The following MAP4 variants were observed in gnomAD, a reference collection of about 807,000 sequenced individuals.
MAP4 encodes the protein microtubule associated protein 4.
Under a neutral mutation model 170.2 loss-of-function variants are expected in MAP4, and 76 were observed. The observed-to-expected ratio is 0.45, with a 90% CI of 0.37 to 0.54. The LOEUF is 0.54. Among genes scored for constraint, MAP4 ranks in the 20% least tolerant of loss-of-function variants. MAP4 has a pLI of 0.00. For synonymous variants in MAP4, 909 were observed against 994.5 expected (o/e 0.91, Z 1.62); for missense variants, 2,506 against 2,748.0 (o/e 0.91, Z 1.97).
intron 3 of MAP4, among the ~76,000 whole-genome samples, chr3:47,963,417 C>T (rs535921493): frequency 6.6e-6 from 1 of 152,328 alleles, no homozygotes; most frequent in East Asian, 1.9e-4. Context: ...TCCTTTTACA[C>T]AGCAGGAATC....
chr3:48,007,914 G>A (rs922885751), intron 1 of MAP4, among the ~76,000 whole-genome samples: 2 of 151,924 alleles, frequency 1.3e-5, no homozygotes, highest in Admixed American at 6.6e-5. Context: ...CTTGTGATCC[G>A]CCCACCTCAG....
intron 10 of MAP4, among the ~76,000 whole-genome samples, chr3:47,893,264 A>G (rs1252656726): frequency 6.6e-6 from 1 of 152,178 alleles, no homozygotes; most frequent in African/African-American, 2.4e-5. Context: ...TATTCTAATT[A>G]TAAGACATTT....
chr3:47,941,357 T>C (rs1335404198), intron 3 of MAP4, among the ~76,000 whole-genome samples: 1 of 151,538 alleles, frequency 6.6e-6, no homozygotes, highest in Admixed American at 6.6e-5. Flanking sequence ...CCTAACTACA[T>C]ATTTGTGTGA....
chr3:47,962,610 C>CT (rs1431127252), intron 3 of MAP4, among the ~76,000 whole-genome samples: 1 of 152,144 alleles, frequency 6.6e-6, no homozygotes, highest in East Asian at 1.9e-4. Flanking sequence ...TAGCTTCTGT[C>CT]TCCTGAATAG....
upstream of MAP4, among the ~76,000 whole-genome samples, chr3:48,017,815 A>G (rs561420328): frequency 2.6e-4 from 39 of 152,284 alleles, no homozygotes; most frequent in African/African-American, 8.2e-4. Context: ...CTGTACTTGT[A>G]ACAGTAGAGT....
At chr3:47,937,684 G>A (rs1301259330) in intron 3 of MAP4, among the ~76,000 whole-genome samples, 2 of 114,968 alleles carry the variant, frequency 1.7e-5, no homozygotes, top group Admixed American at 1.1e-4. Flanking sequence ...TTTTTGAGAC[G>A]AAGTCTCACT....
intron 1 of MAP4, among the ~76,000 whole-genome samples, chr3:48,058,845 T>C (rs1196132587): frequency 6.6e-6 from 1 of 152,220 alleles, no homozygotes; most frequent in African/African-American, 2.4e-5. Context: ...AATGGCACTA[T>C]CTCGGCTCAC....
intron 1 of MAP4, among the ~76,000 whole-genome samples, chr3:48,052,691 T>G (rs911639739): frequency 1.3e-5 from 2 of 152,198 alleles, no homozygotes; most frequent in Non-Finnish European, 2.9e-5. Context: ...ACTCCAGATC[T>G]CATAAATTAG....
chr3:48,007,965 A>G (rs1404058499), intron 1 of MAP4, among the ~76,000 whole-genome samples: 1 of 152,074 alleles, frequency 6.6e-6, no homozygotes, highest in African/African-American at 2.4e-5. Context: ...TCTCCTTTTG[A>G]GAGTCAGCTC....
chr3:47,931,346 C>CCTA (rs2100049694), intron 3 of MAP4, among the ~76,000 whole-genome samples: 1 of 152,114 alleles, frequency 6.6e-6, no homozygotes, highest in Non-Finnish European at 1.5e-5. Context: ...ACACTACTGC[C>CCTA]TTGGTGACAG....
At chr3:47,934,631 C>G (rs1410879000) in intron 3 of MAP4, among the ~76,000 whole-genome samples, 1 of 152,096 alleles carries the variant, frequency 6.6e-6, no homozygotes, top group African/African-American at 2.4e-5. Context: ...TAGTGCGGCT[C>G]ATAATTTACA....
At chr3:47,899,454 C>T (rs1351749188) in intron 10 of MAP4, among the ~76,000 whole-genome samples, 1 of 152,176 alleles carries the variant, frequency 6.6e-6, no homozygotes. Flanking sequence ...GCCTCTAGGT[C>T]CTATTCCTAC....
chr3:48,010,842 C>T (rs2100104875), intron 1 of MAP4, among the ~76,000 whole-genome samples: 1 of 152,140 alleles, frequency 6.6e-6, no homozygotes, highest in South Asian at 2.1e-4. Flanking sequence ...TATCTTTCTC[C>T]CGTGCTGGAT....
chr3:48,041,930 T>C (rs980517088), intron 1 of MAP4, among the ~76,000 whole-genome samples: 1 of 152,134 alleles, frequency 6.6e-6, no homozygotes, highest in African/African-American at 2.4e-5. Flanking sequence ...CCTGGGAGGG[T>C]AGCACACCCG....
intron 17 of MAP4, among the ~76,000 whole-genome samples, chr3:47,865,721 G>T (rs1031987551): frequency 6.6e-6 from 1 of 152,204 alleles, no homozygotes; most frequent in Non-Finnish European, 1.5e-5. Context: ...GAACTCAAAA[G>T]AAACGGAGGC....
chr3:48,032,035 A>T (rs1041394934), intron 1 of MAP4, among the ~76,000 whole-genome samples: 1 of 152,188 alleles, frequency 6.6e-6, no homozygotes, highest in African/African-American at 2.4e-5. Flanking sequence ...TGAGAAAAAG[A>T]TCAGACAACT....
chr3:47,927,246 C>T (rs982987189), intron 4 of MAP4, among the ~76,000 whole-genome samples: 2 of 151,462 alleles, frequency 1.3e-5, no homozygotes, highest in African/African-American at 4.9e-5. Flanking sequence ...AAGCCGATAA[C>T]TGACAAATGG....
upstream of MAP4, among the ~76,000 whole-genome samples, chr3:48,019,913 T>C (rs921930772): frequency 1.3e-5 from 2 of 152,156 alleles, no homozygotes; most frequent in African/African-American, 4.8e-5. Context: ...CTTCTCCCAT[T>C]AAGCAAAGTG....
chr3:47,877,752 A>G, intron 10 of MAP4: 1 of 353,604 alleles, frequency 2.8e-6, no homozygotes. Flanking sequence ...AAGCAGTCTA[A>G]GGGACACATG....
Sources: gnomAD v4.1 joint callset for allele counts (sites outside exome capture counted in the v4.1 genomes callset) on GRCh38, gnomAD v4.1.1 for gene constraint, MANE v1.5 for transcripts, NCBI Gene and HGNC (gene_info 2026-07-23, HGNC 2026-07-21) for gene names.